PSMG2: variants seen among roughly 807,000 people sequenced by gnomAD.
PSMG2 encodes the protein CD40 ligand-activated specific transcript 3.
A neutral mutation model predicts 31.5 loss-of-function variants in PSMG2; 21 were observed. The ratio of observed to expected loss-of-function variants is 0.67; its 90% CI spans 0.47 to 0.96. The LOEUF is 0.96. PSMG2 is among the 40% of genes least tolerant of loss of function. The pLI, the probability that PSMG2 is intolerant of heterozygous loss-of-function variation, is 0.00. For missense variants in PSMG2, 318 were observed against 321.2 expected (o/e 0.99, Z 0.08); for synonymous variants, 120 against 110.4 (o/e 1.09, Z -0.54).
intron 1 of PSMG2, among the ~76,000 whole-genome samples, chr18:12,693,096 T>C (rs2039826925): frequency 6.6e-6 from 1 of 152,188 alleles, no homozygotes; most frequent in Non-Finnish European, 1.5e-5. Flanking sequence ...AGTGCTGGGA[T>C]TACAGATTAA....
At chr18:12,659,639 C>T (rs1220141560) in intron 1 of PSMG2, among the ~76,000 whole-genome samples, 1 of 152,074 alleles carries the variant, frequency 6.6e-6, no homozygotes, top group Non-Finnish European at 1.5e-5. Flanking sequence ...CACTGCACTC[C>T]AGCCTGGGGG....
intron 2 of PSMG2, 50 bp from the exon 3 acceptor site, chr18:12,712,652 C>G: frequency 7.4e-7 from 1 of 1,343,340 alleles, no homozygotes. Flanking sequence ...ATAATTTCAA[C>G]TTGTATAACT....
In PSMG2 at chr18:12,720,679, G is replaced by A. The variant is rs142058774; in HGVS notation, c.577G>A (p.Glu193Lys). The change falls in exon 5 of 7, where the codon GAA becomes AAA. Residue 193 changes from glutamate to lysine, a missense_variant. Physicochemically the swap from Glu to Lys is moderately conservative, Grantham distance 56. Coordinates refer to ENST00000317615, the MANE Select transcript of PSMG2 (RefSeq NM_020232.5). ...AGGTATCACAAAAACACTCTATGAT[G>A]AAAGGTGAGTTTGTTTGCCTGTTCA... ...GGGITKTLYD[E>K]SCSKEIQMAV... 119 of 1,605,968 alleles carry A rather than the reference G, an allele frequency of 7.4e-5. 1 individual carries two copies. Among genetic ancestry groups the A allele is most frequent in the Non-Finnish European group, 9.7e-5 (114 of 1,177,552 alleles).
chr18:12,691,710 T>TC (rs916284880), intron 1 of PSMG2, among the ~76,000 whole-genome samples: 10 of 61,808 alleles, frequency 1.6e-4, no homozygotes, highest in African/African-American at 4.2e-4. Flanking sequence ...AAAGACAGAA[T>TC]TTTTTTTTTT....
upstream of PSMG2, chr18:12,699,248 A>C (rs1598666357): frequency 1.2e-5 from 16 of 1,303,574 alleles, no homozygotes; most frequent in East Asian, 3.5e-4. Flanking sequence ...CAAATAACTT[A>C]AAAGAATGTG....
chr18:12,714,314 T>C (rs2040357270), intron 3 of PSMG2, among the ~76,000 whole-genome samples: 1 of 152,168 alleles, frequency 6.6e-6, no homozygotes, highest in African/African-American at 2.4e-5. Flanking sequence ...GAGCCTAACC[T>C]GCAGCCACAC....
chr18:12,724,475 G>T, intron 5 of PSMG2, 24 bp from the exon 6 acceptor site: 1 of 1,577,476 alleles, frequency 6.3e-7, no homozygotes, highest in Non-Finnish European at 8.6e-7. Context: ...AAAGAATACT[G>T]ATTCTTATTT....
intron 1 of PSMG2, among the ~76,000 whole-genome samples, 168 bp from the exon 2 acceptor site, chr18:12,706,379 CAGG>C (rs2040268649): frequency 6.6e-6 from 1 of 152,172 alleles, no homozygotes; most frequent in Non-Finnish European, 1.5e-5. Flanking sequence ...CTCAGCTACT[CAGG>C]AGGCTGAGGC....
At chr18:12,714,385 C>T (rs567606769) in intron 3 of PSMG2, among the ~76,000 whole-genome samples, 2 of 152,250 alleles carry the variant, frequency 1.3e-5, no homozygotes, top group South Asian at 4.1e-4. Flanking sequence ...ACTAGCTTCT[C>T]TGCCGAAATT....
chr18:12,716,984 A>C (rs2040382842), intron 3 of PSMG2, among the ~76,000 whole-genome samples: 1 of 122,528 alleles, frequency 8.2e-6, no homozygotes, highest in African/African-American at 3.2e-5. Flanking sequence ...ACAGGGTGTC[A>C]CTCCACCCAG....
At position 12,724,509 on chromosome 18, in the gene PSMG2, G is replaced by A. The variant is rs1369179157; in HGVS notation, c.592G>A (p.Glu198Lys). The change falls in exon 6 of 7, where the codon GAA becomes AAA. Residue 198 changes from glutamate to lysine, a missense_variant. Glu to Lys is a moderately conservative substitution (Grantham distance 56, BLOSUM62 1). Transcript: ENST00000317615. ...KTLYDESCSK[E>K]IQMAVLLKFV... ...TTTTATTTCTTGTAGCTGTTCTAAA[G>A]AAATCCAAATGGCAGTTCTGCTGAA... is the stretch of plus-strand genomic sequence containing the variant. 1 of 1,604,596 alleles carries A rather than the reference G, an allele frequency of 6.2e-7. No individual in the cohort carries two copies. The highest frequency in any genetic ancestry group is 8.5e-7 in the Non-Finnish European group (1 of 1,176,308).
At chr18:12,689,695 C>T (rs2039676604) in intron 1 of PSMG2, among the ~76,000 whole-genome samples, 1 of 152,130 alleles carries the variant, frequency 6.6e-6, no homozygotes, top group South Asian at 2.1e-4. Context: ...ATCCTGAGTC[C>T]TCTCTAGTTC....
intron 1 of PSMG2, chr18:12,672,868 T>A (rs571731825): frequency 1.0e-6 from 1 of 985,380 alleles, no homozygotes; most frequent in East Asian, 1.1e-4. Context: ...GGACCACGAA[T>A]AAACCACAAA....
At chr18:12,670,885 G>A (rs114928316) in intron 1 of PSMG2, 185 of 151,990 alleles carry the variant, frequency 1.2e-3, no homozygotes, top group African/African-American at 4.3e-3. Context: ...CTGAACCCAA[G>A]AGATTCTCCT....
chr18:12,696,660 G>T (rs2039968407), intron 1 of PSMG2, among the ~76,000 whole-genome samples: 2 of 152,106 alleles, frequency 1.3e-5, no homozygotes, highest in Non-Finnish European at 2.9e-5. Context: ...TAGCAAGTAT[G>T]TGTTACATAG....
intron 1 of PSMG2, among the ~76,000 whole-genome samples, chr18:12,694,788 T>G (rs1314980153): frequency 6.6e-6 from 1 of 151,756 alleles, no homozygotes; most frequent in East Asian, 1.9e-4. Flanking sequence ...CTGGGCTCAC[T>G]GCAAGCTCCT....
At chr18:12,704,948 A>C (rs1247118569) in intron 1 of PSMG2, among the ~76,000 whole-genome samples, 1 of 152,240 alleles carries the variant, frequency 6.6e-6, no homozygotes, top group Non-Finnish European at 1.5e-5. Context: ...GGAAGAATGC[A>C]AAGGAGGAGC....
At chr18:12,671,638 CTTTCTTTTTTTT>C (rs1240215730) in intron 1 of PSMG2, among the ~76,000 whole-genome samples, 5 of 82,928 alleles carry the variant, frequency 6.0e-5, no homozygotes, top group African/African-American at 2.0e-4. Flanking sequence ...AGGTTTCACA[CTTTCTTTTTTTT>C]TTTTTTTTTT....
chr18:12,697,329 G>A (rs143042119), intron 1 of PSMG2: 757 of 1,613,518 alleles, frequency 4.7e-4, no homozygotes, highest in Non-Finnish European at 6.1e-4. Context: ...CACCAAATAT[G>A]TCTGTTTTGA....
Sources: allele counts gnomAD v4.1 joint callset (sites outside exome capture counted in the v4.1 genomes callset), GRCh38; gene constraint gnomAD v4.1.1; transcripts MANE v1.5; gene names NCBI Gene and HGNC (gene_info 2026-07-23, HGNC 2026-07-21).